The following KPNA1 variants were observed in gnomAD, a reference collection of about 807,000 sequenced individuals.
KPNA1 encodes karyopherin subunit alpha 1.
A neutral mutation model predicts 70.5 loss-of-function variants in KPNA1; 10 were observed. The ratio of observed to expected loss-of-function variants is 0.14; its 90% CI spans 0.09 to 0.24. KPNA1 has a LOEUF of 0.24. Ranked by LOEUF, KPNA1 falls within the 10% of genes least tolerant of loss-of-function variation. The probability of loss-of-function intolerance (pLI) is 1.00; values close to 1 mark genes in which losing one functional copy is unlikely to be tolerated. For synonymous variants in KPNA1, 192 were observed against 221.9 expected, an observed-to-expected ratio of 0.87 and a Z score of 1.20; for missense variants, 397 against 637.9, an observed-to-expected ratio of 0.62 and a Z score of 4.07.
intron 9 of KPNA1, among the ~76,000 whole-genome samples, chr3:122,443,769 G>A (rs2076097697): frequency 6.6e-6 from 1 of 152,130 alleles, no homozygotes; most frequent in Non-Finnish European, 1.5e-5. Context: ...GGGTCACAGA[G>A]ATCACATGCT....
chr3:122,485,282 A>G (rs2076616789), intron 2 of KPNA1, among the ~76,000 whole-genome samples: 1 of 152,210 alleles, frequency 6.6e-6, no homozygotes, highest in South Asian at 2.1e-4. Flanking sequence ...TCTTAAGGCT[A>G]CAGTTACCAG....
At chr3:122,509,140 T>C (rs1465919923) in intron 1 of KPNA1, among the ~76,000 whole-genome samples, 1 of 150,972 alleles carries the variant, frequency 6.6e-6, no homozygotes, top group Non-Finnish European at 1.5e-5. Flanking sequence ...CAGCTACTCG[T>C]GAGGCTGAGT....
intron 5 of KPNA1, chr3:122,457,585 G>T: frequency 1.6e-6 from 1 of 623,828 alleles, no homozygotes; most frequent in Non-Finnish European, 2.3e-6. Flanking sequence ...TCACTGTCCT[G>T]AACTCACTAA....
chr3:122,511,792 T>TA (rs143422915), intron 1 of KPNA1, among the ~76,000 whole-genome samples: 23,083 of 152,224 alleles, frequency 0.15, 1,848 homozygotes, highest in East Asian at 0.32. Context: ...CAGTCATCTT[T>TA]ACTTGCAAGA....
At chr3:122,456,735 T>C (rs1347049810) in intron 5 of KPNA1, among the ~76,000 whole-genome samples, 1 of 152,258 alleles carries the variant, frequency 6.6e-6, no homozygotes, top group African/African-American at 2.4e-5. Context: ...ACATGCCAGT[T>C]ATGCTTATCA....
At chr3:122,459,682 C>G (rs976740036) in intron 5 of KPNA1, 3 of 985,358 alleles carry the variant, frequency 3.0e-6, no homozygotes, top group South Asian at 4.7e-5. Context: ...CAGGAGGCAG[C>G]TAGCAAAACA....
chr3:122,491,850 A>ATTTTTTT (rs67916227), intron 2 of KPNA1, among the ~76,000 whole-genome samples: 2 of 64,896 alleles, frequency 3.1e-5, no homozygotes, highest in Admixed American at 2.7e-4. Flanking sequence ...TGACCATCAC[A>ATTTTTTT]TTTTTTTTTT....
chr3:122,505,041 C>T (rs1035135256), intron 1 of KPNA1, among the ~76,000 whole-genome samples: 2 of 151,998 alleles, frequency 1.3e-5, no homozygotes, highest in Non-Finnish European at 2.9e-5. Context: ...GTGGCTCACA[C>T]CAGTAATCCC....
chr3:122,480,480 A>C lies in KPNA1; in HGVS notation c.130-13051T>G, dbSNP rs115594082. Reference sequence around the variant, plus strand: ...ATTAAGGTCTTTATAAAAATAGTGAAATAAACTTTTTTCAGACACATACAA... The same window carrying C: ...ATTAAGGTCTTTATAAAAATAGTGACATAAACTTTTTTCAGACACATACAA... On this transcript the variant is annotated intron_variant, in intron 2 of 13. Coordinates refer to ENST00000344337, the MANE Select transcript of KPNA1 (RefSeq NM_002264.4). Among the ~76,000 whole-genome samples, 639 of 152,220 alleles carry C rather than the reference A, an allele frequency of 4.2e-3. 4 individuals carry two copies. The highest frequency in any genetic ancestry group is 0.015 in the African/African-American group (607 of 41,516).
intron 5 of KPNA1, among the ~76,000 whole-genome samples, chr3:122,460,879 CA>C (rs2076316781): frequency 6.6e-6 from 1 of 152,086 alleles, no homozygotes; most frequent in South Asian, 2.1e-4. Flanking sequence ...CTGAGAAAGC[CA>C]CCAAGTATCA....
intron 1 of KPNA1, among the ~76,000 whole-genome samples, chr3:122,505,888 C>T (rs1478175981): frequency 2.6e-5 from 4 of 152,200 alleles, no homozygotes; most frequent in Non-Finnish European, 5.9e-5. Flanking sequence ...GCATTCTTAA[C>T]CTCAGACTCT....
Position 122,428,936 on chromosome 3 carries a change from G to C in KPNA1, c.1251-1220C>G, listed in dbSNP as rs2075860434. Reference sequence around the variant, plus strand: ...GACATCATAAGAAAGGAAAATTACAGACTAATATGTCTCATGAACATGAAT... The same window carrying C: ...GACATCATAAGAAAGGAAAATTACACACTAATATGTCTCATGAACATGAAT... On this transcript the variant is annotated intron_variant, in intron 12 of 13. Coordinates refer to ENST00000344337, the MANE Select transcript of KPNA1 (RefSeq NM_002264.4). Among the ~76,000 whole-genome samples, 3 of 152,026 alleles carry C rather than the reference G, an allele frequency of 2.0e-5. No homozygotes were observed. In the South Asian group the frequency reaches 6.2e-4, roughly 32 times the overall value.
At chr3:122,480,005 T>C (rs2076552345) in intron 2 of KPNA1, among the ~76,000 whole-genome samples, 1 of 152,020 alleles carries the variant, frequency 6.6e-6, no homozygotes, top group Non-Finnish European at 1.5e-5. Flanking sequence ...TATGAAGCCG[T>C]GGAAAGACAT....
At position 122,426,937 on chromosome 3, in the gene KPNA1, G is replaced by A. The variant is rs926394854; in HGVS notation, c.*48C>T. On this transcript the variant is annotated 3_prime_UTR_variant, in exon 14 of 14. Transcript: ENST00000344337. ...GACTGTGGGCTCCACAAGAGGACTC[G>A]ACTGGGTAGCCTGGTCTGACACAGG... 3.3e-6 allele frequency: 5 copies of A among 1,506,596 alleles called. No individual in the cohort carries two copies. Among genetic ancestry groups the A allele is most frequent in the South Asian group, 2.3e-5 (2 of 87,094 alleles). The allele number at this position is 1,506,596 out of a possible 1,614,324, so 93.3% of individuals were successfully genotyped here. A position where few individuals can be genotyped will look rare whatever the true frequency, so the allele number is the denominator to read the frequency against.
intron 2 of KPNA1, among the ~76,000 whole-genome samples, chr3:122,489,914 A>G (rs2107491015): frequency 6.6e-6 from 1 of 152,336 alleles, no homozygotes; most frequent in African/African-American, 2.4e-5. Context: ...AGCAGTACTA[A>G]GTATACAGCT....
In KPNA1 at chr3:122,424,515, T is replaced by A. The variant is rs911262330; in HGVS notation, c.*2470A>T. ...GAAAAAAAAACTTAGATCTTATAGTTCATGAACTTCTAGGACAAGATAAAT... is the reference window on the plus strand; with the variant it reads ...GAAAAAAAAACTTAGATCTTATAGTACATGAACTTCTAGGACAAGATAAAT... On this transcript the variant is annotated 3_prime_UTR_variant, in exon 14 of 14. Transcript: ENST00000344337. The A allele has an allele frequency of 6.6e-6, 1 of 152,634 alleles. No homozygotes were observed. The highest frequency in any genetic ancestry group is 1.5e-5 in the Non-Finnish European group (1 of 68,038). The allele number at this position is 152,634 out of a possible 1,614,324, so 9.5% of individuals were successfully genotyped here.
At chr3:122,492,866 C>A (rs1163363624) in intron 2 of KPNA1, among the ~76,000 whole-genome samples, 4 of 152,218 alleles carry the variant, frequency 2.6e-5, no homozygotes, top group African/African-American at 9.7e-5. Flanking sequence ...AACCACTTAG[C>A]TGAGCTTCGG....
At chr3:122,457,739 T>A (rs1451217536) in intron 5 of KPNA1, 1 of 1,288,770 alleles carries the variant, frequency 7.8e-7, no homozygotes, top group South Asian at 1.2e-5. Context: ...CTATCAAGTT[T>A]CCCACTCCAG....
chr3:122,445,798 T>A (rs556703094), intron 9 of KPNA1, among the ~76,000 whole-genome samples: 1 of 151,952 alleles, frequency 6.6e-6, no homozygotes, highest in South Asian at 2.1e-4. Flanking sequence ...GAGACACACA[T>A]AGGCTCAAAA....
Sources: allele counts gnomAD v4.1 joint callset (sites outside exome capture counted in the v4.1 genomes callset), GRCh38; gene constraint gnomAD v4.1.1; transcripts MANE v1.5; gene names NCBI Gene and HGNC (gene_info 2026-07-23, HGNC 2026-07-21).